GPHN: variants seen among roughly 807,000 people sequenced by gnomAD.
GPHN encodes gephyrin.
A neutral mutation model predicts 95.5 loss-of-function variants in GPHN; 17 were observed. The ratio of observed to expected loss-of-function variants is 0.18; its 90% confidence interval spans 0.12 to 0.27. The LOEUF (loss-of-function observed/expected upper bound fraction) is 0.27. Among genes scored for constraint, GPHN ranks in the 10% least tolerant of loss-of-function variants. GPHN has a pLI of 1.00. For synonymous variants in GPHN, 320 were observed against 322.5 expected, an observed-to-expected ratio of 0.99 and a Z score of 0.08; for missense variants, 660 against 978.1, an observed-to-expected ratio of 0.67 and a Z score of 4.34.
chr14:67,698,859 A>G, the GPHN span, among the ~76,000 whole-genome samples: 42 of 152,272 alleles, frequency 2.8e-4, 1 homozygote, highest in Admixed American at 4.6e-4. Context: ...CTGTGTTCCA[A>G]TGAAACTTTA....
At chr14:67,637,783 G>C in the GPHN span, among the ~76,000 whole-genome samples, 1 of 152,190 alleles carries the variant, frequency 6.6e-6, no homozygotes, top group African/African-American at 2.4e-5. Flanking sequence ...TGTTCTTAAA[G>C]GTTATGGCAG....
chr14:67,390,857 C>T, the GPHN span: 1 of 801,700 alleles, frequency 1.2e-6, no homozygotes, highest in Non-Finnish European at 2.3e-6. Flanking sequence ...TCCAATGGGA[C>T]TACATTCTAA....
intron 1 of GPHN, among the ~76,000 whole-genome samples, chr14:66,591,185 C>T (rs983321281): frequency 6.6e-6 from 1 of 152,094 alleles, no homozygotes; most frequent in Non-Finnish European, 1.5e-5. Context: ...TATGACAAAC[C>T]CGCAGCCAAT....
chr14:67,733,608 A>T, the GPHN span: 1 of 621,262 alleles, frequency 1.6e-6, no homozygotes, highest in Non-Finnish European at 3.0e-6. Flanking sequence ...TTTGGAGTGC[A>T]TTTTGTATAA....
At chr14:67,041,365 C>A (rs1422798856) in intron 10 of GPHN, among the ~76,000 whole-genome samples, 1 of 152,012 alleles carries the variant, frequency 6.6e-6, no homozygotes, top group Non-Finnish European at 1.5e-5. Flanking sequence ...TATCCCTCCC[C>A]TAACCCCCCA....
At chr14:67,210,631 G>A in the GPHN span, among the ~76,000 whole-genome samples, 5 of 151,736 alleles carry the variant, frequency 3.3e-5, no homozygotes, top group South Asian at 2.1e-4. Flanking sequence ...TTAAACTTTC[G>A]TTATATAATT....
chr14:66,595,114 G>GT (rs2061917592), intron 1 of GPHN, among the ~76,000 whole-genome samples: 1 of 152,148 alleles, frequency 6.6e-6, no homozygotes, highest in African/African-American at 2.4e-5. Flanking sequence ...TCTTATAGCT[G>GT]TTAGAGTGGC....
chr14:67,146,996 G>T (rs1257690892), intron 18 of GPHN, among the ~76,000 whole-genome samples: 13 of 152,166 alleles, frequency 8.5e-5, no homozygotes, highest in Non-Finnish European at 1.5e-5. Flanking sequence ...TGGCGCCACT[G>T]CACTCCTGCA....
intron 16 of GPHN, among the ~76,000 whole-genome samples, chr14:67,119,761 G>C (rs566469441): frequency 1.3e-5 from 2 of 152,256 alleles, no homozygotes; most frequent in South Asian, 4.1e-4. Flanking sequence ...TTGCACTCCA[G>C]CCTGGGCAAC....
chr14:66,533,407 CCTT>C (rs2059019171), intron 1 of GPHN, among the ~76,000 whole-genome samples: 1 of 152,110 alleles, frequency 6.6e-6, no homozygotes, highest in Non-Finnish European at 1.5e-5. Flanking sequence ...ATGGGTATAT[CCTT>C]CCTTTGGAAA....
the GPHN span, chr14:67,397,808 A>G: frequency 1.2e-6 from 2 of 1,611,586 alleles, no homozygotes; most frequent in East Asian, 2.2e-5. Flanking sequence ...CGCGCCTTCC[A>G]GTTGTGGACA....
chr14:67,657,328 T>G, the GPHN span: 1 of 152,166 alleles, frequency 6.6e-6, no homozygotes, highest in Admixed American at 6.5e-5. Context: ...GAACTTCACC[T>G]AAGGTCAAAC....
intron 2 of GPHN, among the ~76,000 whole-genome samples, chr14:66,749,895 A>T (rs1437330207): frequency 6.6e-6 from 1 of 151,578 alleles, no homozygotes; most frequent in Non-Finnish European, 1.5e-5. Context: ...TGTAGGATTC[A>T]TGAGATATTT....
At chr14:66,967,296 G>T (rs906163624) in intron 9 of GPHN, among the ~76,000 whole-genome samples, 8 of 151,858 alleles carry the variant, frequency 5.3e-5, no homozygotes, top group Non-Finnish European at 1.2e-4. Context: ...TAGGCATCTG[G>T]AAATAACGTT....
At chr14:67,567,846 C>A in the GPHN span, among the ~76,000 whole-genome samples, 5 of 146,364 alleles carry the variant, frequency 3.4e-5, no homozygotes, top group Non-Finnish European at 5.9e-5. Context: ...CTTCCCTCGT[C>A]AGCCTTGGTG....
chr14:66,795,093 AAAAT>A (rs2060109265), intron 3 of GPHN, among the ~76,000 whole-genome samples: 1 of 152,150 alleles, frequency 6.6e-6, no homozygotes. Flanking sequence ...ATAAATAAAT[AAAAT>A]AAATAGATAG....
At chr14:66,794,149 A>G (rs1329265856) in intron 3 of GPHN, among the ~76,000 whole-genome samples, 1 of 152,126 alleles carries the variant, frequency 6.6e-6, no homozygotes, top group Non-Finnish European at 1.5e-5. Flanking sequence ...TCTCATGTTC[A>G]GTGTTGGAGG....
the GPHN span, among the ~76,000 whole-genome samples, chr14:67,396,206 G>T: frequency 2.6e-5 from 4 of 151,708 alleles, no homozygotes; most frequent in Non-Finnish European, 4.4e-5. Flanking sequence ...GGAGTACAAT[G>T]GTGCAATCTC....
intron 4 of GPHN, among the ~76,000 whole-genome samples, chr14:66,855,941 T>C (rs1350386344): frequency 6.6e-6 from 1 of 152,150 alleles, no homozygotes; most frequent in East Asian, 1.9e-4. Context: ...CATTTTCTTT[T>C]ATCCTGTAAA....
Sources: allele counts gnomAD v4.1 joint callset (sites outside exome capture counted in the v4.1 genomes callset), GRCh38; gene constraint gnomAD v4.1.1; transcripts MANE v1.5; gene names NCBI Gene and HGNC (gene_info 2026-07-23, HGNC 2026-07-21).